The following SLMAP variants were observed in gnomAD, a reference collection of about 807,000 sequenced individuals.
SLMAP encodes sarcolemma associated protein.
A neutral mutation model predicts 128.8 loss-of-function variants in SLMAP; 44 were observed. The observed-to-expected ratio is 0.34, with a 90% CI of 0.27 to 0.44. SLMAP has a LOEUF of 0.44. Among genes scored for constraint, SLMAP ranks in the 20% least tolerant of loss-of-function variants. SLMAP has a pLI of 1.00. For missense variants in SLMAP, 787 were observed against 985.3 expected (o/e 0.80, Z 2.69); for synonymous variants, 327 against 348.8 (o/e 0.94, Z 0.70).
chr3:57,853,960 TATATATATATA>T (rs1560253223), intron 6 of SLMAP, among the ~76,000 whole-genome samples: 2,403 of 59,756 alleles, frequency 0.04, 104 homozygotes, highest in Non-Finnish European at 0.056. Context: ...AAAAATTATA[TATATATATATA>T]TATATATATA....
intron 3 of SLMAP, among the ~76,000 whole-genome samples, chr3:57,832,212 G>T (rs939957964): frequency 6.6e-6 from 1 of 152,168 alleles, no homozygotes; most frequent in African/African-American, 2.4e-5. Flanking sequence ...TCTCGTGAAA[G>T]GGAGCAAGAA....
chr3:57,854,082 T>A lies in SLMAP; in HGVS notation c.520-3651T>A, dbSNP rs543007901. Among the ~76,000 whole-genome samples, 62 of 123,158 alleles carry A rather than the reference T, an allele frequency of 5.0e-4. 1 individual carries two copies. The highest frequency in any genetic ancestry group is 8.3e-4 in the Non-Finnish European group (49 of 59,048). The allele number at this position is 123,158 out of a possible 152,430, so 80.8% of individuals were successfully genotyped here. A position where few individuals can be genotyped will look rare whatever the true frequency, so the allele number is the denominator to read the frequency against. On this transcript the variant is annotated intron_variant, in intron 6 of 24. Transcript: ENST00000671191. ...TATATAACACATTATATATATATAT[T>A]ATGTGTAAATATATATGTATCTTTG...
chr3:57,895,056 T>G (rs1207423204), intron 15 of SLMAP, among the ~76,000 whole-genome samples: 1 of 151,702 alleles, frequency 6.6e-6, no homozygotes, highest in Admixed American at 6.6e-5. Flanking sequence ...CTTGGGAGGC[T>G]GAGGTGGGAG....
At chr3:57,825,635 G>A (rs1352151056) in intron 2 of SLMAP, among the ~76,000 whole-genome samples, 1 of 151,872 alleles carries the variant, frequency 6.6e-6, no homozygotes, top group Non-Finnish European at 1.5e-5. Context: ...TTACAGCTTG[G>A]ATGAGTTCTG....
In SLMAP at chr3:57,880,651, G is replaced by A. The variant is rs530835543; in HGVS notation, c.1300+8953G>A. ...GTATTACTTCAAGAGGCCAAGGTGG[G>A]AGGATCGCTTGAGTTCAGGAGTTCG... On this transcript the variant is annotated intron_variant, in intron 14 of 24. Coordinates refer to ENST00000671191, the MANE Select transcript of SLMAP (RefSeq NM_001377540.1). Among the ~76,000 whole-genome samples, 329 of 151,824 alleles carry A rather than the reference G, an allele frequency of 2.2e-3. 1 individual carries two copies. The highest frequency in any genetic ancestry group is 7.7e-3 in the African/African-American group (319 of 41,466).
chr3:57,760,267 T>C (rs753534423), intron 2 of SLMAP, among the ~76,000 whole-genome samples: 1 of 152,200 alleles, frequency 6.6e-6, no homozygotes, highest in East Asian at 1.9e-4. Context: ...GAAAAACTTA[T>C]CTTTGAATGG....
intron 14 of SLMAP, among the ~76,000 whole-genome samples, chr3:57,885,949 A>G (rs1012265848): frequency 2.9e-5 from 4 of 140,102 alleles, no homozygotes; most frequent in African/African-American, 8.0e-5. Flanking sequence ...ATGCCCAGCT[A>G]ATTTTTGTAT....
intron 13 of SLMAP, among the ~76,000 whole-genome samples, chr3:57,868,926 T>C (rs1038886181): frequency 7.3e-6 from 1 of 137,712 alleles, no homozygotes; most frequent in African/African-American, 2.7e-5. Context: ...ATATATAATA[T>C]AATATATGTT....
At position 57,837,910 on chromosome 3, in the gene SLMAP, A is replaced by G. The variant is rs186810582; in HGVS notation, c.347-3389A>G. On this transcript the variant is annotated intron_variant, in intron 3 of 24. Coordinates refer to ENST00000671191, the MANE Select transcript of SLMAP (RefSeq NM_001377540.1). ...TCACATTAAAGGCATCGTTGACTGG[A>G]CTAAATTGTGAGCTTAGTCAGACGT... is the stretch of plus-strand genomic sequence containing the variant. 2.8e-4 allele frequency among the ~76,000 whole-genome samples: 43 copies of G among 152,316 alleles called. No individual in the cohort carries two copies. In the East Asian group the frequency reaches 6.7e-3, roughly 24 times the overall value.
chr3:57,897,079 A>C, intron 17 of SLMAP, 147 bp downstream of exon 17: 2 of 1,413,414 alleles, frequency 1.4e-6, no homozygotes, highest in African/African-American at 1.5e-5. Flanking sequence ...TAAAAATTTA[A>C]AGTTTTGGTG....
chr3:57,896,979 A>G (rs775388432), intron 17 of SLMAP, 47 bp downstream of exon 17: 7 of 1,609,298 alleles, frequency 4.3e-6, no homozygotes, highest in Non-Finnish European at 5.9e-6. Context: ...GTATCAAATC[A>G]CCCTTTGCCA....
chr3:57,901,161 A>G (rs926450694), intron 17 of SLMAP: 4 of 152,400 alleles, frequency 2.6e-5, no homozygotes, highest in East Asian at 3.9e-4. Context: ...GGTTCCCTGC[A>G]TGGTGTACCT....
chr3:57,772,007 G>A (rs769059870), intron 2 of SLMAP, among the ~76,000 whole-genome samples: 3 of 152,154 alleles, frequency 2.0e-5, no homozygotes, highest in Non-Finnish European at 4.4e-5. Flanking sequence ...GCTCTTATCA[G>A]GCACCATAGA....
At chr3:57,912,349 G>C (rs1576295505) in intron 19 of SLMAP, 32 bp from the exon 20 acceptor site, 12 of 1,573,788 alleles carry the variant, frequency 7.6e-6, no homozygotes, top group African/African-American at 1.4e-5. Flanking sequence ...TTATTCTAAT[G>C]GGCCAAGAAA....
At chr3:57,911,948 A>C (rs1256631941) in intron 19 of SLMAP, among the ~76,000 whole-genome samples, 2 of 150,594 alleles carry the variant, frequency 1.3e-5, no homozygotes, top group African/African-American at 4.9e-5. Flanking sequence ...AAAAAAAAAA[A>C]AGGATTGTAT....
At position 57,831,545 on chromosome 3, in the gene SLMAP, C is replaced by T. The variant is rs529506373; in HGVS notation, c.346+15C>T. 6.9e-7 allele frequency: 1 copy of T among 1,452,422 alleles called. No individual in the cohort carries two copies. Among genetic ancestry groups the T allele is most frequent in the African/African-American group, 1.5e-5 (1 of 68,908 alleles). The allele number at this position is 1,452,422 out of a possible 1,614,324, so 90.0% of individuals were successfully genotyped here. On this transcript the variant is annotated intron_variant, in intron 3 of 24. Coordinates refer to ENST00000671191, the MANE Select transcript of SLMAP (RefSeq NM_001377540.1). The stretch of plus-strand genomic sequence containing the variant: ...TACACGGAAAGGTACGGGTATGGAT[C>T]ACTTTTTTTATTACTTGTCTTTTAA...
intron 17 of SLMAP, among the ~76,000 whole-genome samples, chr3:57,904,960 A>G (rs1021560594): frequency 2.6e-5 from 4 of 152,080 alleles, no homozygotes; most frequent in African/African-American, 9.7e-5. Context: ...CCAGCTACTC[A>G]GGAGGCTGAG....
intron 2 of SLMAP, among the ~76,000 whole-genome samples, chr3:57,824,392 G>A (rs982411665): frequency 6.6e-6 from 1 of 152,136 alleles, no homozygotes; most frequent in African/African-American, 2.4e-5. Context: ...TATGGTTTTA[G>A]CTTTTATATT....
chr3:57,842,275 TTG>T, intron 4 of SLMAP, among the ~76,000 whole-genome samples: 1 of 151,884 alleles, frequency 6.6e-6, no homozygotes, highest in Non-Finnish European at 1.5e-5. Context: ...ATACTTTTCC[TTG>T]TTTGTTTACT....
Sources: gnomAD v4.1 joint callset for allele counts (sites outside exome capture counted in the v4.1 genomes callset) on GRCh38, gnomAD v4.1.1 for gene constraint, MANE v1.5 for transcripts, NCBI Gene and HGNC (gene_info 2026-07-23, HGNC 2026-07-21) for gene names.